TRAPPC9: variants seen among roughly 807,000 people sequenced by gnomAD.
TRAPPC9 encodes IKK2 binding protein.
TRAPPC9 carries 83 observed loss-of-function variants against 124.0 expected under a neutral mutation model. The ratio of observed to expected loss-of-function variants is 0.67; its 90% CI spans 0.56 to 0.80. The LOEUF (loss-of-function observed/expected upper bound fraction) is 0.80, where lower values mean the gene tolerates loss of function less well. TRAPPC9 is among the 30% of genes least tolerant of loss of function. TRAPPC9 has a pLI of 0.00. For synonymous variants in TRAPPC9, 638 were observed against 617.5 expected, an observed-to-expected ratio of 1.03 and a Z score of -0.49; for missense variants, 1,302 against 1,508.3, an observed-to-expected ratio of 0.86 and a Z score of 2.27.
chr8:140,122,023 T>TTCTCTCTCTCTCTC (rs533446141), intron 17 of TRAPPC9, among the ~76,000 whole-genome samples: 2 of 138,438 alleles, frequency 1.4e-5, no homozygotes, highest in African/African-American at 5.4e-5. Context: ...CTTTCTTTCT[T>TTCTCTCTCTCTCTC]TCTCTCTCTC....
intron 4 of TRAPPC9, among the ~76,000 whole-genome samples, chr8:140,430,884 T>C (rs73356499): frequency 0.039 from 5,902 of 152,052 alleles, 344 homozygotes; most frequent in African/African-American, 0.12. Flanking sequence ...AAGCGATCCA[T>C]GCACTGTGGC....
rs1364045427 is a variant in TRAPPC9, at chr8:140,023,850, T to G, written c.2699+87A>C. On this transcript the variant is annotated intron_variant, in intron 18 of 22. Coordinates refer to ENST00000438773, the MANE Select transcript of TRAPPC9 (RefSeq NM_001160372.4). ...CATGGCACGGATCTGACGGGATGCA[T>G]GACAAAAACACACTGAGGTCAGGAT... 3.1e-6 allele frequency: 5 copies of G among 1,599,230 alleles called. No homozygotes were observed. The Admixed American group carries it at 8.3e-5, about 27-fold the overall frequency.
chr8:140,083,643 TG>T (rs1843988838), intron 17 of TRAPPC9, among the ~76,000 whole-genome samples: 1 of 141,650 alleles, frequency 7.1e-6, no homozygotes, highest in African/African-American at 2.7e-5. Context: ...AAGGGTTTGG[TG>T]TTTTTTTGTT....
At chr8:140,159,261 C>T (rs973303851) in intron 17 of TRAPPC9, among the ~76,000 whole-genome samples, 1 of 152,240 alleles carries the variant, frequency 6.6e-6, no homozygotes, top group African/African-American at 2.4e-5. Context: ...ACCACATTTA[C>T]TATCACCCCT....
intron 17 of TRAPPC9, among the ~76,000 whole-genome samples, chr8:140,210,419 GGCT>G (rs1387032749): frequency 3.3e-5 from 5 of 152,282 alleles, no homozygotes; most frequent in African/African-American, 9.6e-5. Flanking sequence ...ACACTGTGGC[GGCT>G]GCTGCTGCTG....
chr8:140,167,461 C>T (rs536620568), intron 17 of TRAPPC9, among the ~76,000 whole-genome samples: 2 of 152,150 alleles, frequency 1.3e-5, no homozygotes, highest in African/African-American at 2.4e-5. Flanking sequence ...CAACAGTCCT[C>T]GGAAAGCCAT....
At chr8:139,767,232 A>G (rs1563798592) in intron 21 of TRAPPC9, among the ~76,000 whole-genome samples, 1 of 152,198 alleles carries the variant, frequency 6.6e-6, no homozygotes. Context: ...CCCACATCAC[A>G]CAGCTAGACA....
chr8:140,251,154 C>T (rs1012239542), intron 16 of TRAPPC9, among the ~76,000 whole-genome samples: 23 of 152,292 alleles, frequency 1.5e-4, no homozygotes, highest in Admixed American at 3.3e-4. Flanking sequence ...TGGGAGAAAC[C>T]ACGGTCACCA....
chr8:140,105,344 A>C (rs2060644776), intron 17 of TRAPPC9, among the ~76,000 whole-genome samples: 1 of 152,216 alleles, frequency 6.6e-6, no homozygotes, highest in Admixed American at 6.5e-5. Context: ...ACTTCGGCTA[A>C]CACTGTTGAA....
chr8:140,111,965 C>G (rs566206657), intron 17 of TRAPPC9, among the ~76,000 whole-genome samples: 1 of 152,254 alleles, frequency 6.6e-6, no homozygotes, highest in Non-Finnish European at 1.5e-5. Flanking sequence ...CAGGCGCAGG[C>G]GCCATGGCAG....
intron 9 of TRAPPC9, among the ~76,000 whole-genome samples, chr8:140,350,137 A>G (rs534534341): frequency 1.7e-4 from 26 of 152,340 alleles, no homozygotes; most frequent in Admixed American, 1.6e-3. Context: ...TCCAGCAAAC[A>G]TGCCCACTAA....
intron 21 of TRAPPC9, among the ~76,000 whole-genome samples, chr8:139,787,992 G>A (rs1435800136): frequency 2.0e-5 from 3 of 152,158 alleles, no homozygotes; most frequent in African/African-American, 4.8e-5. Flanking sequence ...ACCCCACCGC[G>A]GGCATCTGAC....
intron 1 of TRAPPC9, among the ~76,000 whole-genome samples, chr8:140,452,293 A>G (rs1227305831): frequency 6.9e-6 from 1 of 145,948 alleles, no homozygotes; most frequent in Non-Finnish European, 1.5e-5. Flanking sequence ...GGTGGCAGGC[A>G]CCTGTAGTCC....
chr8:139,741,152 C>T (rs115182733), intron 21 of TRAPPC9, among the ~76,000 whole-genome samples: 1,882 of 152,288 alleles, frequency 0.012, 39 homozygotes, highest in African/African-American at 0.042. Context: ...TGACACTCCC[C>T]ATTGGGCATG....
chr8:139,893,103 GA>G lies in TRAPPC9; in HGVS notation c.2965-7135del, dbSNP rs147690901. 6.4e-3 allele frequency among the ~76,000 whole-genome samples: 971 copies of G among 152,330 alleles called. 10 individuals are homozygous for G. The highest frequency in any genetic ancestry group is 0.022 in the African/African-American group (908 of 41,564). ...TGCCCTCTAAGGATTTACAAACCAAGACGTGCCGTGTTTCTCGTAGCCCTGG... is the reference window on the plus strand; with the variant it reads ...TGCCCTCTAAGGATTTACAAACCAAGCGTGCCGTGTTTCTCGTAGCCCTGG... On this transcript the variant is annotated intron_variant, in intron 20 of 22. Coordinates refer to ENST00000438773, the MANE Select transcript of TRAPPC9 (RefSeq NM_001160372.4).
At chr8:139,750,215 A>C (rs1480725087) in intron 21 of TRAPPC9, among the ~76,000 whole-genome samples, 1 of 152,050 alleles carries the variant, frequency 6.6e-6, no homozygotes, top group Non-Finnish European at 1.5e-5. Flanking sequence ...GGGCTTGAGC[A>C]CCCCAAAAGC....
At chr8:140,055,890 T>C (rs897271230) in intron 17 of TRAPPC9, among the ~76,000 whole-genome samples, 3 of 152,052 alleles carry the variant, frequency 2.0e-5, no homozygotes, top group Non-Finnish European at 4.4e-5. Flanking sequence ...TATTCATAGA[T>C]TGAAAAAATT....
chr8:140,282,472 C>T (rs557613128), intron 14 of TRAPPC9, among the ~76,000 whole-genome samples: 90 of 146,554 alleles, frequency 6.1e-4, no homozygotes, highest in African/African-American at 2.3e-3. Flanking sequence ...CACTGCACTC[C>T]AGCCTGGGCG....
chr8:139,837,592 A>G (rs573546015), intron 21 of TRAPPC9, among the ~76,000 whole-genome samples: 2 of 152,154 alleles, frequency 1.3e-5, no homozygotes, highest in Admixed American at 6.5e-5. Context: ...GCAGAGACCC[A>G]TGGAGTGGGA....
Sources: allele counts gnomAD v4.1 joint callset (sites outside exome capture counted in the v4.1 genomes callset), GRCh38; gene constraint gnomAD v4.1.1; transcripts MANE v1.5; gene names NCBI Gene and HGNC (gene_info 2026-07-23, HGNC 2026-07-21).